Variants in WDFY4 observed in about 807,000 individuals in gnomAD.
The protein encoded by WDFY4 is WDFY family member 4, also known as WD repeat- and FYVE domain-containing protein 4.
Under a neutral mutation model 351.9 loss-of-function variants are expected in WDFY4, and 169 were observed. The ratio of observed to expected loss-of-function variants is 0.48; its 90% CI spans 0.42 to 0.55. The LOEUF (loss-of-function observed/expected upper bound fraction) is 0.55. WDFY4 is among the 20% of genes least tolerant of loss of function. WDFY4 has a pLI of 0.00. For missense variants in WDFY4, 3,803 were observed against 3,935.6 expected (o/e 0.97, Z 0.90); for synonymous variants, 1,622 against 1,574.6 (o/e 1.03, Z -0.71).
intron 53 of WDFY4, among the ~76,000 whole-genome samples, chr10:48,960,379 C>T (rs1375298096): frequency 6.6e-6 from 1 of 152,140 alleles, no homozygotes; most frequent in Non-Finnish European, 1.5e-5. Flanking sequence ...CTATGACATA[C>T]CCACCGGAGT....
intron 41 of WDFY4, among the ~76,000 whole-genome samples, chr10:48,874,063 C>T (rs12777007): frequency 0.1 from 15,164 of 152,250 alleles, 939 homozygotes; most frequent in Middle Eastern, 0.21. Flanking sequence ...ATTGTCTGCT[C>T]GCACAAGTTA....
intron 43 of WDFY4, among the ~76,000 whole-genome samples, chr10:48,879,262 T>A (rs911629318): frequency 6.6e-6 from 1 of 152,228 alleles, no homozygotes; most frequent in Non-Finnish European, 1.5e-5. Flanking sequence ...GAGACATTTT[T>A]AATTGCCATG....
intron 47 of WDFY4, among the ~76,000 whole-genome samples, chr10:48,925,439 G>C (rs1839491653): frequency 6.6e-6 from 1 of 152,202 alleles, no homozygotes; most frequent in Non-Finnish European, 1.5e-5. Context: ...GGCATAGCTT[G>C]GAGAATTACC....
intron 39 of WDFY4, among the ~76,000 whole-genome samples, chr10:48,839,803 C>G (rs2068534079): frequency 1.3e-5 from 2 of 152,244 alleles, no homozygotes; most frequent in South Asian, 4.1e-4. Context: ...AATAAAACCA[C>G]TCAGAAAGGA....
At position 48,813,861 on chromosome 10, in the gene WDFY4, A is replaced by C; in HGVS notation, c.5215-96A>C. The C allele has an allele frequency of 2.2e-6, 3 of 1,356,544 alleles. No homozygotes were observed. In the South Asian group the frequency reaches 5.2e-5, roughly 24 times the overall value. 84.0% of individuals were successfully genotyped at this position (1,356,544 alleles called of 1,614,324 possible). On this transcript the variant is annotated intron_variant, in intron 30 of 61. Transcript: ENST00000325239. ...GCCAGTGTGCTCTTTTGCTTTTCCCACTGGGAACCCCTGGAAACATGATGA... is the reference window on the plus strand; with the variant it reads ...GCCAGTGTGCTCTTTTGCTTTTCCCCCTGGGAACCCCTGGAAACATGATGA...
intron 50 of WDFY4, 86 bp from the exon 51 acceptor site, chr10:48,946,774 C>A: frequency 1.0e-6 from 1 of 962,078 alleles, no homozygotes; most frequent in Non-Finnish European, 1.6e-6. Flanking sequence ...TTTTTAATGC[C>A]GTTCATGAAC....
Position 48,867,278 on chromosome 10 carries a change from G to A in WDFY4, c.6677G>A (p.Cys2226Tyr), listed in dbSNP as rs191806818. ...PECKTEDFVS[C>Y]IENYRRRGQE... ...TCCTTTCTCCAGGATTTTGTGTCAT[G>A]TATAGAGAACTACAGAAGAAGAGGA... is the stretch of plus-strand genomic sequence containing the variant. Residue 2226 changes from cysteine to tyrosine, a missense_variant, in exon 40 of 62, where the codon TGT becomes TAT. Physicochemically the swap from Cys to Tyr is radical, Grantham distance 194. Coordinates refer to ENST00000325239, the MANE Select transcript of WDFY4 (RefSeq NM_001394531.1). 2.0e-4 allele frequency: 293 copies of A among 1,473,854 alleles called. No homozygotes were observed. The African/African-American group carries it at 3.9e-3, about 20-fold the overall frequency. 91.3% of individuals were successfully genotyped at this position (1,473,854 alleles called of 1,614,324 possible).
rs535478424 is a variant in WDFY4, at chr10:48,899,221, C to A, written c.7438-1000C>A. Among the ~76,000 whole-genome samples, 399 of 152,270 alleles carry A rather than the reference C, an allele frequency of 2.6e-3. 1 individual carries two copies. Among genetic ancestry groups the A allele is most frequent in the African/African-American group, 9.2e-3 (383 of 41,538 alleles). ...AGGCAGAGCTTGGCACTCAAGGTATCCAGGGCAAGCTGTACCCTCCACAAA... is the reference window on the plus strand; with the variant it reads ...AGGCAGAGCTTGGCACTCAAGGTATACAGGGCAAGCTGTACCCTCCACAAA... On this transcript the variant is annotated intron_variant, in intron 45 of 61. Transcript: ENST00000325239.
In WDFY4 at chr10:48,872,716, G is replaced by T. The variant is rs543347882; in HGVS notation, c.6742-775G>T. Among the ~76,000 whole-genome samples, 3 of 152,264 alleles carry T rather than the reference G, an allele frequency of 2.0e-5. No homozygotes were observed. In the South Asian group the frequency reaches 6.2e-4, roughly 32 times the overall value. Reference sequence around the variant, plus strand: ...ATGTGGTCTATAAATGCAGGTTGGGGGTATCTATGTATTATTAGAAAAGTT... The same window carrying T: ...ATGTGGTCTATAAATGCAGGTTGGGTGTATCTATGTATTATTAGAAAAGTT... On this transcript the variant is annotated intron_variant, in intron 40 of 61. Transcript: ENST00000325239.
intron 2 of WDFY4, among the ~76,000 whole-genome samples, chr10:48,718,469 A>C (rs2063976547): frequency 6.6e-6 from 1 of 152,232 alleles, no homozygotes. Flanking sequence ...GCTCAGCTTA[A>C]AAAAGAACTC....
At chr10:48,836,527 C>G (rs1211866508) in intron 39 of WDFY4, among the ~76,000 whole-genome samples, 1 of 152,164 alleles carries the variant, frequency 6.6e-6, no homozygotes, top group Non-Finnish European at 1.5e-5. Context: ...GCTGATAGCC[C>G]TATAGCACTG....
intron 23 of WDFY4, among the ~76,000 whole-genome samples, chr10:48,794,471 G>A (rs1412724401): frequency 1.3e-5 from 2 of 152,118 alleles, no homozygotes; most frequent in Non-Finnish European, 2.9e-5. Flanking sequence ...TGGAGCTCAG[G>A]GACAGGCTGT....
chr10:48,690,843 C>G (rs2063174157), intron 1 of WDFY4, among the ~76,000 whole-genome samples: 1 of 152,174 alleles, frequency 6.6e-6, no homozygotes, highest in Admixed American at 6.5e-5. Flanking sequence ...CCAACTGGGC[C>G]ATAGGTGGCC....
Position 48,790,126 on chromosome 10 carries a change from G to A in WDFY4, c.4066+141G>A. On this transcript the variant is annotated intron_variant, in intron 22 of 61. Coordinates refer to ENST00000325239, the MANE Select transcript of WDFY4 (RefSeq NM_001394531.1). ...GGTCGGGAGGACCAGAGTTGGGAGT[G>A]AATCCAGCCAGAGAGTTAGTCTCCC... 3.9e-6 allele frequency: 3 copies of A among 760,450 alleles called. No homozygotes were observed. In the Admixed American group the frequency reaches 6.5e-5, roughly 17 times the overall value. 47.1% of individuals were successfully genotyped at this position (760,450 alleles called of 1,614,324 possible).
At chr10:48,693,901 T>C (rs1020949712) in intron 1 of WDFY4, among the ~76,000 whole-genome samples, 4 of 152,170 alleles carry the variant, frequency 2.6e-5, no homozygotes, top group African/African-American at 9.7e-5. Flanking sequence ...AGAAAATGAG[T>C]CACTCTATCT....
At chr10:48,823,208 C>G in intron 35 of WDFY4, 2 of 1,303,224 alleles carry the variant, frequency 1.5e-6, no homozygotes, top group Non-Finnish European at 2.0e-6. Context: ...AAGCTAGAGA[C>G]TTTTCCTGAC....
intron 48 of WDFY4, among the ~76,000 whole-genome samples, chr10:48,942,489 T>C (rs955272804): frequency 2.0e-4 from 31 of 152,148 alleles, no homozygotes; most frequent in African/African-American, 6.0e-4. Context: ...TACAGCCACA[T>C]AGGGGGCAGA....
rs1281427341 is a variant in WDFY4, at chr10:48,786,715, T to G, written c.3653T>G (p.Ile1218Ser). ...GCATTTGTGGATGTTTATGGATATA[T>G]TGCTACTCCTCGAGTCTGGAAACAA... The part of the protein sequence containing the change: ...PSAFVDVYGY[I>S]ATPRVWKQKS... The change falls in exon 20 of 62, where the codon ATT becomes AGT. Residue 1218 changes from isoleucine (I) to serine (S), a missense_variant. By Grantham distance (142) the Ile-to-Ser change is moderately radical (BLOSUM62 -2). Around this residue, in one of 3 missense-constraint regions of WDFY4, gnomAD observed 3,054 missense variants for 3,148.6 expected, o/e 0.97. Coordinates refer to ENST00000325239, the MANE Select transcript of WDFY4 (RefSeq NM_001394531.1). 1 of 1,552,330 alleles carries G rather than the reference T, an allele frequency of 6.4e-7. No individual in the cohort carries two copies. The highest frequency in any genetic ancestry group is 1.2e-5 in the South Asian group (1 of 84,066).
intron 25 of WDFY4, chr10:48,804,695 A>G: frequency 1.0e-6 from 1 of 984,838 alleles, no homozygotes; most frequent in Non-Finnish European, 1.2e-6. Context: ...TTGTTTTCTA[A>G]GAAACAGATA....
Sources: allele counts gnomAD v4.1 joint callset (sites outside exome capture counted in the v4.1 genomes callset), GRCh38; gene constraint gnomAD v4.1.1; regional missense constraint gnomAD v4.1.1; transcripts MANE v1.5; gene names NCBI Gene and HGNC (gene_info 2026-07-23, HGNC 2026-07-21).